Variants in CSMD2 observed in about 807,000 individuals in gnomAD.
The protein encoded by CSMD2 is CUB and Sushi multiple domains 2.
In CSMD2, 130 loss-of-function variants were observed where a neutral mutation model predicts 398.5. That is an observed-to-expected ratio of 0.33 (90% confidence interval 0.28 to 0.38). CSMD2 has a LOEUF of 0.38. Among genes scored for constraint, CSMD2 ranks in the 10% least tolerant of loss-of-function variants. CSMD2 has a pLI of 1.00. For missense variants in CSMD2, 3,829 were observed against 4,764.9 expected, an observed-to-expected ratio of 0.80 and a Z score of 5.78; for synonymous variants, 1,828 against 1,908.5, an observed-to-expected ratio of 0.96 and a Z score of 1.10.
At chr1:33,915,939 A>G (rs532600458) in intron 5 of CSMD2, among the ~76,000 whole-genome samples, 1 of 152,318 alleles carries the variant, frequency 6.6e-6, no homozygotes, top group Non-Finnish European at 1.5e-5. Context: ...TGTGATCTCA[A>G]GCAGGTAGTA....
At chr1:33,814,663 G>T (rs1011348029) in intron 9 of CSMD2, among the ~76,000 whole-genome samples, 3 of 152,126 alleles carry the variant, frequency 2.0e-5, no homozygotes, top group Admixed American at 2.0e-4. Context: ...GCCCTCTTAT[G>T]AGATCTGACA....
intron 3 of CSMD2, among the ~76,000 whole-genome samples, chr1:33,983,773 C>T (rs1367557003): frequency 6.6e-6 from 1 of 152,106 alleles, no homozygotes; most frequent in Non-Finnish European, 1.5e-5. Flanking sequence ...ATTGGGCAGC[C>T]TGCCTCCCTG....
chr1:33,709,009 TCA>T, intron 22 of CSMD2, 78 bp downstream of exon 22: 2 of 1,282,874 alleles, frequency 1.6e-6, no homozygotes, highest in African/African-American at 1.5e-5. Flanking sequence ...TTTGGATCAT[TCA>T]CACAGAGACA....
intron 39 of CSMD2, among the ~76,000 whole-genome samples, chr1:33,615,621 T>C (rs2148853435): frequency 6.6e-6 from 1 of 152,260 alleles, no homozygotes; most frequent in Non-Finnish European, 1.5e-5. Flanking sequence ...TGTTGTGAGG[T>C]CATATCAGAA....
At chr1:33,960,007 G>A (rs1022352121) in intron 3 of CSMD2, among the ~76,000 whole-genome samples, 5 of 152,196 alleles carry the variant, frequency 3.3e-5, no homozygotes, top group East Asian at 1.9e-4. Context: ...CTTGACTTTC[G>A]GCCCCTTTCC....
At chr1:33,973,280 G>A (rs502199) in intron 3 of CSMD2, among the ~76,000 whole-genome samples, 79,346 of 152,112 alleles carry the variant, frequency 0.52, 21,545 homozygotes, top group African/African-American at 0.67. Flanking sequence ...AAGCAGACTC[G>A]GAGGAGGAGG....
At chr1:34,028,092 G>A (rs556373762) in intron 3 of CSMD2, among the ~76,000 whole-genome samples, 8 of 152,150 alleles carry the variant, frequency 5.3e-5, no homozygotes, top group African/African-American at 1.9e-4. Context: ...GTCGAGGCAG[G>A]CAGATCGCTC....
chr1:34,019,648 G>A (rs760124759), intron 3 of CSMD2, among the ~76,000 whole-genome samples: 2 of 151,988 alleles, frequency 1.3e-5, no homozygotes, highest in African/African-American at 2.4e-5. Flanking sequence ...TTCCTTCCCC[G>A]CAGTCTGCCC....
In CSMD2 at chr1:33,698,850, G is replaced by A. The variant is rs764403326; in HGVS notation, c.3828C>T (p.Phe1276=). The A allele has an allele frequency of 1.9e-6, 3 of 1,614,196 alleles. No individual in the cohort carries two copies. The change falls in exon 24 of 71, where the codon TTC becomes TTT. Residue 1276 remains phenylalanine (F), a synonymous_variant. Coordinates refer to ENST00000373381, the MANE Select transcript of CSMD2 (RefSeq NM_001281956.2). ...GCAGGCTGTATCCAGGGTCACAGCT[G>A]AAGGACACGGAGCTCCCTGCAAAAT... The part of the protein sequence containing the change: ...EGHFAGSSVS[F]SCDPGYSLRG...
intron 1 of CSMD2, among the ~76,000 whole-genome samples, chr1:34,150,962 G>C (rs1255514899): frequency 2.0e-5 from 3 of 152,114 alleles, no homozygotes; most frequent in Non-Finnish European, 4.4e-5. Context: ...CTTCCACAAG[G>C]AAGACTATGA....
chr1:33,666,540 T>C (rs1002534758), intron 25 of CSMD2, among the ~76,000 whole-genome samples: 3 of 70,478 alleles, frequency 4.3e-5, no homozygotes, highest in Admixed American at 3.9e-4. Flanking sequence ...CAGATATATA[T>C]ATGTGTGTGT....
At chr1:33,918,323 G>A in intron 4 of CSMD2, 22 bp from the exon 5 acceptor site, 1 of 1,607,902 alleles carries the variant, frequency 6.2e-7, no homozygotes, top group African/African-American at 1.3e-5. Flanking sequence ...GAGAGAAGAG[G>A]CTTACATGAG....
intron 9 of CSMD2, among the ~76,000 whole-genome samples, chr1:33,814,544 G>A (rs1570086577): frequency 6.6e-6 from 1 of 152,154 alleles, no homozygotes; most frequent in East Asian, 1.9e-4. Context: ...CATATAGCAG[G>A]CGGGTCCTTT....
intron 25 of CSMD2, among the ~76,000 whole-genome samples, chr1:33,675,102 T>A (rs1644656916): frequency 6.6e-6 from 1 of 151,970 alleles, no homozygotes; most frequent in South Asian, 2.1e-4. Context: ...AAGAAATAAC[T>A]AAGATCAGGG....
At chr1:33,600,562 T>C (rs1640145974) in intron 44 of CSMD2, 1 of 532,030 alleles carries the variant, frequency 1.9e-6, no homozygotes, top group South Asian at 2.4e-5. Context: ...GGCACAGGTA[T>C]AGGGATGATC....
chr1:33,531,403 G>T (rs568883124), intron 64 of CSMD2, among the ~76,000 whole-genome samples: 67 of 152,286 alleles, frequency 4.4e-4, no homozygotes, highest in Non-Finnish European at 8.1e-4. Flanking sequence ...ATAACATGGT[G>T]CAAGAGTTTT....
chr1:33,717,114 T>C (rs1233475832), intron 19 of CSMD2, among the ~76,000 whole-genome samples: 1 of 151,912 alleles, frequency 6.6e-6, no homozygotes, highest in East Asian at 1.9e-4. Flanking sequence ...AGGAGACCCA[T>C]ATGTGTAAAG....
chr1:33,848,811 T>G (rs867223355), intron 5 of CSMD2, among the ~76,000 whole-genome samples: 28 of 7,994 alleles, frequency 3.5e-3, no homozygotes, highest in South Asian at 7.4e-3. Flanking sequence ...GTATTGTGGG[T>G]TTTTTTTTTT....
In CSMD2 at chr1:33,633,407, C is replaced by A; in HGVS notation, c.5200+15G>T. On this transcript the variant is annotated intron_variant, in intron 32 of 70. Transcript: ENST00000373381. This position sits in a 1 kb window ranked among gnomAD's most constrained non-coding sequence, Gnocchi z 5.0. The stretch of plus-strand genomic sequence containing the variant: ...CGGCCCACAACCATCCCCACACTGG[C>A]CGAGCCCCGGATACCTGTATGGGAG... 1 of 1,542,382 alleles carries A rather than the reference C, an allele frequency of 6.5e-7. No individual in the cohort carries two copies. The highest frequency in any genetic ancestry group is 1.2e-5 in the South Asian group (1 of 83,838).
Sources: gnomAD v4.1 joint callset for allele counts (sites outside exome capture counted in the v4.1 genomes callset) on GRCh38, gnomAD v4.1.1 for gene constraint, Gnocchi (gnomAD v3.1) non-coding constraint, MANE v1.5 for transcripts, NCBI Gene and HGNC (gene_info 2026-07-23, HGNC 2026-07-21) for gene names.